The following XG variants were observed in gnomAD, a reference collection of about 807,000 sequenced individuals.
The protein encoded by XG is Xg glycoprotein (Xg blood group).
Under a neutral mutation model 25.7 loss-of-function variants are expected in XG, and 24 were observed. The observed-to-expected ratio is 0.93, with a 90% CI of 0.68 to 1.31. The LOEUF is 1.31. Among genes scored for constraint, XG ranks in the 40% most tolerant of loss-of-function variants. XG has a pLI of 0.00. For missense variants in XG, 181 were observed against 187.6 expected (o/e 0.96, Z 0.21); for synonymous variants, 77 against 69.2 (o/e 1.11, Z -0.56).
At chrX:2,763,955 A>T (rs1243796610) in intron 1 of XG, among the ~76,000 whole-genome samples, 1 of 152,204 alleles carries the variant, frequency 6.6e-6, no homozygotes, top group Admixed American at 6.5e-5. Context: ...AATGAGGCCG[A>T]GAGCTGCCGG....
rs777531851 is a variant in XG at position 2,770,555 on chromosome X, A to G, written c.67A>G (p.Arg23Gly). Residue 23 changes from arginine to glycine, a missense_variant, in exon 2 of 11, where the codon AGA becomes GGA. Physicochemically the swap from Arg to Gly is moderately radical, Grantham distance 125. Coordinates refer to ENST00000644266, the MANE Select transcript of XG (RefSeq NM_001141919.2). ...GCCCTGTTTGCTCCCAATAGGTCAA[A>G]GAGACTTTGATTTGGCAGATGCCCT... ...LCFLMHARGQ[R>G]DFDLADALDD... 4 of 1,613,902 alleles carry G rather than the reference A, an allele frequency of 2.5e-6. No homozygotes were observed. In the African/African-American group the frequency reaches 5.3e-5, roughly 22 times the overall value.
chrX:2,770,116 C>T (rs1337686507), intron 1 of XG, among the ~76,000 whole-genome samples: 1 of 151,996 alleles, frequency 6.6e-6, no homozygotes, highest in African/African-American at 2.4e-5. Context: ...GAGAGGCTTC[C>T]TTCAAAGTTT....
intron 4 of XG, among the ~76,000 whole-genome samples, chrX:2,783,427 G>T (rs1384321969): frequency 8.9e-6 from 1 of 111,832 alleles, no homozygotes; most frequent in Non-Finnish European, 1.9e-5. Context: ...ATAGATTCTG[G>T]CCATTAAAGT....
intron 1 of XG, among the ~76,000 whole-genome samples, chrX:2,763,021 C>T (rs777262384): frequency 1.3e-5 from 2 of 152,214 alleles, no homozygotes; most frequent in South Asian, 4.1e-4. Flanking sequence ...CTAAAGATAA[C>T]ATCCTTTTTT....
rs1438148033 is a variant in XG, at chrX:2,773,542, GGAAGGAGA to G, written c.104-1167_104-1160del. Among the ~76,000 whole-genome samples, 107 of 123,790 alleles carry G rather than the reference GGAAGGAGA, an allele frequency of 8.6e-4. 1 individual carries two copies. The highest frequency in any genetic ancestry group is 2.8e-3 in the African/African-American group (88 of 31,970). 81.2% of individuals were successfully genotyped at this position (123,790 alleles called of 152,430 possible). A position where few individuals can be genotyped will look rare whatever the true frequency, so the allele number is the denominator to read the frequency against. On this transcript the variant is annotated intron_variant, in intron 2 of 10. Transcript: ENST00000644266. ...GAGAAGGAAGGAAGGAGAGAAGGAA[GGAAGGAGA>G]GAAGGAAGGAAGGAGAGAAGGAAGG... is the stretch of plus-strand genomic sequence containing the variant.
chrX:2,812,508 A>G (rs1213964079), intron 10 of XG, among the ~76,000 whole-genome samples: 1 of 111,089 alleles, frequency 9.0e-6, no homozygotes, highest in East Asian at 2.8e-4. Flanking sequence ...GTGTCCCCGA[A>G]GGAAACCAGA....
intron 3 of XG, among the ~76,000 whole-genome samples, chrX:2,779,530 T>G (rs1214462530): frequency 6.6e-6 from 1 of 152,122 alleles, no homozygotes; most frequent in Non-Finnish European, 1.5e-5. Flanking sequence ...TCAGAATTCA[T>G]GGGGGATTAG....
At chrX:2,813,498 G>C (rs759091410) in intron 10 of XG, among the ~76,000 whole-genome samples, 1 of 112,251 alleles carries the variant, frequency 8.9e-6, no homozygotes, top group East Asian at 2.8e-4. Context: ...TCCTTAGTTA[G>C]GTCATTAATT....
At chrX:2,773,259 G>C (rs2050865133) in intron 2 of XG, among the ~76,000 whole-genome samples, 1 of 146,380 alleles carries the variant, frequency 6.8e-6, no homozygotes, top group African/African-American at 2.5e-5. Flanking sequence ...GAGGAGATAA[G>C]AAAAGACTGA....
At chrX:2,784,593 GA>G (rs1018482489) in intron 4 of XG, among the ~76,000 whole-genome samples, 18 of 104,064 alleles carry the variant, frequency 1.7e-4, no homozygotes, top group South Asian at 1.3e-3. Flanking sequence ...AAAAGAATAA[GA>G]AAAAAAAAAC....
chrX:2,796,358 A>G (rs1295484920), intron 6 of XG, among the ~76,000 whole-genome samples: 2 of 109,192 alleles, frequency 1.8e-5, no homozygotes, highest in African/African-American at 6.6e-5. Context: ...TAGCTTACAT[A>G]TGTTTCTATA....
Position 2,752,242 on chromosome X carries a change from G to A in XG, c.-33G>A, listed in dbSNP as rs778297613. 2 of 1,613,420 alleles carry A rather than the reference G, an allele frequency of 1.2e-6. No homozygotes were observed. The highest frequency in any genetic ancestry group is 2.7e-5 in the African/African-American group (2 of 74,932). ...GTCTCACAATCCGCTTGGCTGGGGAGTCCACTGAGGTTCTTGCATCCTGAA... is the reference window on the plus strand; with the variant it reads ...GTCTCACAATCCGCTTGGCTGGGGAATCCACTGAGGTTCTTGCATCCTGAA... On this transcript the variant is annotated 5_prime_UTR_variant, in exon 1 of 11. Coordinates refer to ENST00000644266, the MANE Select transcript of XG (RefSeq NM_001141919.2).
At chrX:2,774,684 A>C (rs1355172423) in intron 2 of XG, 32 bp from the exon 3 acceptor site, 1 of 1,613,606 alleles carries the variant, frequency 6.2e-7, no homozygotes, top group Non-Finnish European at 8.5e-7. Context: ...TCTTCAATGC[A>C]TATTGCATTT....
At chrX:2,777,406 A>C (rs2051022895) in intron 3 of XG, among the ~76,000 whole-genome samples, 1 of 151,858 alleles carries the variant, frequency 6.6e-6, no homozygotes. Context: ...AATAAAATTA[A>C]ATACAAAAAA....
rs767358109 is a variant in XG, at chrX:2,774,439, G to A, written c.104-277G>A. On this transcript the variant is annotated intron_variant, in intron 2 of 10. Coordinates refer to ENST00000644266, the MANE Select transcript of XG (RefSeq NM_001141919.2). ...CCGTCCAGCCCTGTGGTGGCTCTAC[G>A]GGCAGGTGGCTCACTTACTTGTCTT... Among the ~76,000 whole-genome samples, 515 of 149,012 alleles carry A rather than the reference G, an allele frequency of 3.5e-3. 1 individual carries two copies. Among genetic ancestry groups the A allele is most frequent in the African/African-American group, 0.011 (464 of 40,454 alleles).
chrX:2,770,617 C>G (rs1222269237), intron 2 of XG, 26 bp downstream of exon 2: 5 of 1,613,488 alleles, frequency 3.1e-6, no homozygotes, highest in South Asian at 2.2e-5. Flanking sequence ...TCAAGGGGAG[C>G]CTTCCCTTTT....
intron 10 of XG, among the ~76,000 whole-genome samples, chrX:2,813,525 G>A (rs933879112): frequency 8.9e-6 from 1 of 112,157 alleles, no homozygotes; most frequent in African/African-American, 3.2e-5. Flanking sequence ...GTCTCCTAAA[G>A]GATGACGTAC....
At chrX:2,763,727 G>T (rs186466926) in intron 1 of XG, among the ~76,000 whole-genome samples, 1 of 152,180 alleles carries the variant, frequency 6.6e-6, no homozygotes, top group Non-Finnish European at 1.5e-5. Flanking sequence ...CCTTGCCATT[G>T]AAAACCCTCA....
intron 7 of XG, among the ~76,000 whole-genome samples, chrX:2,799,496 T>C (rs1233432981): frequency 2.7e-5 from 3 of 111,263 alleles, no homozygotes; most frequent in Non-Finnish European, 5.7e-5. Flanking sequence ...TGTGTTTTTT[T>C]ACATAAGATG....
Sources: allele counts gnomAD v4.1 joint callset (sites outside exome capture counted in the v4.1 genomes callset), GRCh38; gene constraint gnomAD v4.1.1; transcripts MANE v1.5; gene names NCBI Gene and HGNC (gene_info 2026-07-23, HGNC 2026-07-21).